Variants in CD96 observed in about 807,000 individuals in gnomAD.
The protein encoded by CD96 is T-cell surface protein tactile.
A neutral mutation model predicts 71.3 loss-of-function variants in CD96; 70 were observed. The observed-to-expected ratio is 0.98, with a 90% CI of 0.81 to 1.20. The LOEUF is 1.20. CD96 is among the 50% of genes most tolerant of loss of function. The probability of loss-of-function intolerance (pLI) is 0.00; values close to 1 mark genes in which losing one functional copy is unlikely to be tolerated. For synonymous variants in CD96, 248 were observed against 233.0 expected, an observed-to-expected ratio of 1.06 and a Z score of -0.59; for missense variants, 742 against 677.5, an observed-to-expected ratio of 1.10 and a Z score of -1.06.
chr3:111,641,038 T>C (rs910227250), intron 12 of CD96, among the ~76,000 whole-genome samples: 3 of 152,144 alleles, frequency 2.0e-5, no homozygotes, highest in African/African-American at 7.2e-5. Flanking sequence ...TGTTTATGCA[T>C]AAATCACACA....
At chr3:111,586,129 TAA>T (rs972805638) in intron 5 of CD96, among the ~76,000 whole-genome samples, 19 of 152,224 alleles carry the variant, frequency 1.2e-4, no homozygotes, top group African/African-American at 4.6e-4. Context: ...TGACATATAT[TAA>T]GTGTTTAATA....
intron 14 of CD96, among the ~76,000 whole-genome samples, chr3:111,663,534 C>A (rs1383924430): frequency 6.6e-6 from 1 of 152,110 alleles, no homozygotes; most frequent in African/African-American, 2.4e-5. Context: ...AAAACAACTC[C>A]TTTTAAAAAA....
At chr3:111,612,613 C>T (rs1325076662) in intron 8 of CD96, among the ~76,000 whole-genome samples, 1 of 152,190 alleles carries the variant, frequency 6.6e-6, no homozygotes, top group Non-Finnish European at 1.5e-5. Context: ...GGTTAAATAA[C>T]TCACCCAAAG....
intron 14 of CD96, among the ~76,000 whole-genome samples, chr3:111,663,383 A>T (rs1940402853): frequency 6.6e-6 from 1 of 152,140 alleles, no homozygotes; most frequent in South Asian, 2.1e-4. Flanking sequence ...TTTTTGGTTA[A>T]GTCCCCAAAA....
chr3:111,659,078 T>C (rs1443218335), intron 14 of CD96, among the ~76,000 whole-genome samples: 1 of 152,240 alleles, frequency 6.6e-6, no homozygotes, highest in Non-Finnish European at 1.5e-5. Flanking sequence ...TATTAGTCTA[T>C]TCAAGATTTC....
intron 2 of CD96, among the ~76,000 whole-genome samples, chr3:111,553,172 T>G (rs1324030453): frequency 4.2e-5 from 5 of 120,402 alleles, no homozygotes; most frequent in Admixed American, 2.2e-4. Flanking sequence ...TTATATTTTG[T>G]TTTTTTTTTT....
At chr3:111,635,888 G>A (rs1939303275) in intron 10 of CD96, among the ~76,000 whole-genome samples, 1 of 152,068 alleles carries the variant, frequency 6.6e-6, no homozygotes, top group Non-Finnish European at 1.5e-5. Context: ...AAACTACAAG[G>A]TTATTCAGAA....
At chr3:111,646,908 C>T (rs1939854504) in intron 12 of CD96, among the ~76,000 whole-genome samples, 1 of 151,882 alleles carries the variant, frequency 6.6e-6, no homozygotes, top group Non-Finnish European at 1.5e-5. Flanking sequence ...AGATAATATT[C>T]TTTGCAGCAG....
intron 7 of CD96, among the ~76,000 whole-genome samples, chr3:111,602,556 G>A (rs769260773): frequency 5.3e-5 from 8 of 152,024 alleles, no homozygotes; most frequent in Non-Finnish European, 8.8e-5. Flanking sequence ...TCCCATTCTG[G>A]CATATATCTA....
chr3:111,645,285 T>A (rs1169409851), intron 12 of CD96, among the ~76,000 whole-genome samples: 1 of 152,028 alleles, frequency 6.6e-6, no homozygotes, highest in African/African-American at 2.4e-5. Flanking sequence ...AAACCAAACA[T>A]CATATGTTCT....
At chr3:111,626,306 CAAAAAAAAA>C (rs71131971) in intron 10 of CD96, among the ~76,000 whole-genome samples, 2 of 74,708 alleles carry the variant, frequency 2.7e-5, no homozygotes, top group African/African-American at 1.1e-4. Flanking sequence ...GACTCCGTCT[CAAAAAAAAA>C]AAAAAAAAAA....
At chr3:111,645,993 G>T (rs2107782164) in intron 12 of CD96, among the ~76,000 whole-genome samples, 1 of 152,108 alleles carries the variant, frequency 6.6e-6, no homozygotes, top group East Asian at 1.9e-4. Context: ...TTGAGATTTT[G>T]CTATATGAAA....
intron 5 of CD96, among the ~76,000 whole-genome samples, chr3:111,587,202 G>A (rs541411994): frequency 1.3e-5 from 2 of 152,316 alleles, no homozygotes; most frequent in South Asian, 4.1e-4. Context: ...TGCAAGAGGT[G>A]GGTTCCCATA....
At chr3:111,573,151 T>G (rs1012487429) in intron 3 of CD96, among the ~76,000 whole-genome samples, 1 of 152,232 alleles carries the variant, frequency 6.6e-6, no homozygotes, top group Non-Finnish European at 1.5e-5. Flanking sequence ...TTTTCCCATC[T>G]TATGCATTGG....
At chr3:111,641,518 G>A (rs1939589748) in intron 12 of CD96, among the ~76,000 whole-genome samples, 1 of 152,084 alleles carries the variant, frequency 6.6e-6, no homozygotes, top group East Asian at 1.9e-4. Flanking sequence ...ATAGACCTAA[G>A]AAATGAGATA....
At position 111,663,873 on chromosome 3, in the gene CD96, C is replaced by T. The variant is rs565874671; in HGVS notation, c.*53-1654C>T. 8.3e-4 allele frequency among the ~76,000 whole-genome samples: 127 copies of T among 152,116 alleles called. 1 individual carries two copies. In the Middle Eastern group the frequency reaches 0.02, roughly 24 times the overall value. On this transcript the variant is annotated intron_variant and NMD_transcript_variant, in intron 14 of 14. Coordinates refer to the CD96 transcript ENST00000494798. ...ACGCCATTCTCCTGCCTCAGCCTCC[C>T]GAGTAGCTGAGACTACAGGTGCCTG... is the stretch of plus-strand genomic sequence containing the variant.
downstream of CD96, among the ~76,000 whole-genome samples, chr3:111,654,662 C>A (rs887700685): frequency 1.3e-5 from 2 of 152,194 alleles, no homozygotes; most frequent in African/African-American, 2.4e-5. Context: ...TAGGGAAGAG[C>A]AACAAACCCA....
intron 3 of CD96, among the ~76,000 whole-genome samples, chr3:111,572,898 A>G (rs1936049154): frequency 6.6e-6 from 1 of 152,208 alleles, no homozygotes; most frequent in South Asian, 2.1e-4. Flanking sequence ...TTAATGGGAC[A>G]GACTCTGCAT....
chr3:111,578,279 A>G (rs903028069), intron 3 of CD96, among the ~76,000 whole-genome samples: 8 of 152,336 alleles, frequency 5.3e-5, no homozygotes, highest in African/African-American at 1.9e-4. Context: ...AGGGCTTTTC[A>G]TCACAGACCG....
Sources: gnomAD v4.1 joint callset for allele counts (sites outside exome capture counted in the v4.1 genomes callset) on GRCh38, gnomAD v4.1.1 for gene constraint, MANE v1.5 for transcripts, NCBI Gene and HGNC (gene_info 2026-07-23, HGNC 2026-07-21) for gene names.